SHC2: variants seen among roughly 807,000 people sequenced by gnomAD.
The protein encoded by SHC2 is SHC adaptor protein 2, also known as SHC-transforming protein 2.
A neutral mutation model predicts 60.6 loss-of-function variants in SHC2; 62 were observed. The observed-to-expected ratio is 1.02, with a 90% CI of 0.83 to 1.26. The LOEUF is 1.26. SHC2 is among the 50% of genes most tolerant of loss of function. The pLI is 0.00. For synonymous variants in SHC2, 375 were observed against 372.4 expected, an observed-to-expected ratio of 1.01 and a Z score of -0.08; for missense variants, 873 against 822.2, an observed-to-expected ratio of 1.06 and a Z score of -0.76.
chr19:418,334 C>T (rs921685850), intron 12 of SHC2, among the ~76,000 whole-genome samples: 9 of 152,238 alleles, frequency 5.9e-5, no homozygotes, highest in South Asian at 2.1e-4. Flanking sequence ...CACAGCCGAC[C>T]GCAGTGTCAC....
intron 1 of SHC2, among the ~76,000 whole-genome samples, chr19:454,938 C>T (rs937189053): frequency 1.2e-4 from 18 of 152,248 alleles, no homozygotes; most frequent in African/African-American, 4.1e-4. Flanking sequence ...GGCCCGTGGC[C>T]GCATCGCTCG....
rs1037127731 is a variant in SHC2, at chr19:438,722, C to T, written c.716G>A (p.Arg239His). ...AGGCGAAGAGGGCAGACCCACCTGG[C>T]GCGTGGCAGGCACGGAGAGGCTGAG... ...DGLSLSVPAT[R>H]QVIANHHMPS... Residue 239 changes from arginine (R) to histidine (H), a missense_variant, in exon 4 of 13, where the codon CGC becomes CAC. By Grantham distance (29) the Arg-to-His change is conservative (BLOSUM62 0). Transcript: ENST00000264554. This position sits in a 1 kb window ranked among gnomAD's most constrained non-coding sequence, Gnocchi z 5.0. The T allele has an allele frequency of 3.4e-5, 53 of 1,556,876 alleles. No homozygotes were observed. Among genetic ancestry groups the T allele is most frequent in the Middle Eastern group, 3.5e-4 (2 of 5,682 alleles).
In SHC2 at chr19:455,454, G is replaced by A. The variant is rs1039945820; in HGVS notation, c.468+5075C>T. On this transcript the variant is annotated intron_variant, in intron 1 of 12. Coordinates refer to ENST00000264554, the MANE Select transcript of SHC2 (RefSeq NM_012435.3). ...CGCAGGACTCGGCGTGAGCCTCGGC[G>A]CCGGAGGTACTGCATTTGCACCGAT... 5.3e-5 allele frequency among the ~76,000 whole-genome samples: 8 copies of A among 152,340 alleles called. No individual in the cohort carries two copies. In the South Asian group the frequency reaches 8.3e-4, roughly 16 times the overall value.
chr19:439,075 C>A, intron 2 of SHC2, 45 bp from the exon 3 acceptor site: 1 of 1,087,590 alleles, frequency 9.2e-7, no homozygotes, highest in Non-Finnish European at 1.2e-6. Context: ...TGGGGGTGGC[C>A]ATGGAGGGAG....
intron 11 of SHC2, among the ~76,000 whole-genome samples, chr19:421,635 G>A (rs1185322953): frequency 1.3e-5 from 2 of 152,052 alleles, no homozygotes; most frequent in Non-Finnish European, 2.9e-5. Flanking sequence ...GGGGGGGAGA[G>A]CATCTTATGA....
chr19:444,645 G>A (rs1388394571), intron 1 of SHC2, among the ~76,000 whole-genome samples: 1 of 152,214 alleles, frequency 6.6e-6, no homozygotes, highest in Non-Finnish European at 1.5e-5. Flanking sequence ...GGATCAGCCA[G>A]GTAAACACAC....
chr19:420,291 T>C (rs917806117), intron 11 of SHC2, among the ~76,000 whole-genome samples: 1 of 152,152 alleles, frequency 6.6e-6, no homozygotes, highest in African/African-American at 2.4e-5. Flanking sequence ...CCTCCAGCTC[T>C]GTCCCAGGCC....
Position 438,737 on chromosome 19 carries a change from G to A in SHC2, c.701C>T (p.Ser234Phe). Reference protein sequence around the residue: ...IHISTDGLSLSVPATRQVIAN... With the variant: ...IHISTDGLSLFVPATRQVIAN... ...ACCCACCTGGCGCGTGGCAGGCACG[G>A]AGAGGCTGAGGCCATCAGTGGAGAT... is the stretch of plus-strand genomic sequence containing the variant. The change falls in exon 4 of 13, where the codon TCC becomes TTC. Residue 234 changes from serine to phenylalanine, a missense_variant. Transcript: ENST00000264554. The surrounding 1 kb of genome is among the most constrained non-coding windows in gnomAD (Gnocchi z 5.0). The A allele has an allele frequency of 6.4e-7, 1 of 1,565,098 alleles. No individual in the cohort carries two copies. The highest frequency in any genetic ancestry group is 1.2e-5 in the South Asian group (1 of 84,754).
intron 6 of SHC2, 33 bp from the exon 7 acceptor site, chr19:436,324 C>T (rs1347636439): frequency 3.1e-6 from 5 of 1,589,070 alleles, no homozygotes; most frequent in Non-Finnish European, 4.3e-6. Context: ...GCCTCCGAGC[C>T]ACACGGCCGT....
At chr19:459,006 C>T (rs1278887455) in intron 1 of SHC2, among the ~76,000 whole-genome samples, 1 of 152,112 alleles carries the variant, frequency 6.6e-6, no homozygotes, top group Non-Finnish European at 1.5e-5. Context: ...TGCCTGTCTC[C>T]TAACGGCCCG....
At position 446,373 on chromosome 19, in the gene SHC2, C is replaced by T. The variant is rs71335249; in HGVS notation, c.469-5441G>A. Reference sequence around the variant, plus strand: ...GTCGCCAGGCTGGAGTGCGGTGGTGCGATCACGACTCACTGCAACTTCCGC... The same window carrying T: ...GTCGCCAGGCTGGAGTGCGGTGGTGTGATCACGACTCACTGCAACTTCCGC... On this transcript the variant is annotated intron_variant, in intron 1 of 12. Transcript: ENST00000264554. The surrounding 1 kb of genome is among the most constrained non-coding windows in gnomAD (Gnocchi z 5.4). 2.0e-5 allele frequency among the ~76,000 whole-genome samples: 3 copies of T among 152,090 alleles called. No individual in the cohort carries two copies. The highest frequency in any genetic ancestry group is 1.9e-4 in the East Asian group (1 of 5,184).
chr19:455,172 T>C (rs1975308221), intron 1 of SHC2, among the ~76,000 whole-genome samples: 1 of 152,214 alleles, frequency 6.6e-6, no homozygotes, highest in Admixed American at 6.5e-5. Context: ...GTCACTGAGC[T>C]GCTGAATTAA....
intron 1 of SHC2, among the ~76,000 whole-genome samples, chr19:442,771 A>G (rs1296981352): frequency 2.2e-4 from 13 of 59,456 alleles, no homozygotes; most frequent in Non-Finnish European, 3.1e-4. Context: ...GGATGGGTGG[A>G]TGGATGGATG....
intron 1 of SHC2, among the ~76,000 whole-genome samples, chr19:449,109 C>G (rs62102129): frequency 6.6e-6 from 1 of 151,826 alleles, no homozygotes; most frequent in Non-Finnish European, 1.5e-5. Context: ...TGGAGGTTGC[C>G]GTGAGCCGAG....
Position 422,762 on chromosome 19 carries a change from T to C in SHC2, c.1310-306A>G, listed in dbSNP as rs966847561. On this transcript the variant is annotated intron_variant, in intron 10 of 12. Transcript: ENST00000264554. The surrounding 1 kb of genome is among the most constrained non-coding windows in gnomAD (Gnocchi z 5.0). ...TATTTCTTTTTCCTGCCTTGTCAGG[T>C]GGGCTTCCTTCCCAAAGCGTACGCC... 6.9e-6 allele frequency: 2 copies of C among 290,400 alleles called. No homozygotes were observed. The highest frequency in any genetic ancestry group is 4.4e-5 in the African/African-American group (2 of 45,926). 18.0% of individuals were successfully genotyped at this position (290,400 alleles called of 1,614,324 possible). A position where few individuals can be genotyped will look rare whatever the true frequency, so the allele number is the denominator to read the frequency against.
rs553119736 is a variant in SHC2 at position 440,773 on chromosome 19, C to T, written c.539+89G>A. 1,088 of 1,161,906 alleles carry T rather than the reference C, an allele frequency of 9.4e-4. 1 individual carries two copies. The highest frequency in any genetic ancestry group is 1.3e-3 in the Non-Finnish European group (1,005 of 777,208). 72.0% of individuals were successfully genotyped at this position (1,161,906 alleles called of 1,614,324 possible). A position where few individuals can be genotyped will look rare whatever the true frequency, so the allele number is the denominator to read the frequency against. ...CGTCCTGGGACCCCAGCGCGGCTGT[C>T]GGAGAGCCCATCGCTGCCGCCCTCC... On this transcript the variant is annotated intron_variant, in intron 2 of 12. Transcript: ENST00000264554. The surrounding 1 kb of genome is among the most constrained non-coding windows in gnomAD (Gnocchi z 7.0).
intron 2 of SHC2, chr19:439,359 A>G: frequency 2.5e-6 from 1 of 404,728 alleles, no homozygotes; most frequent in Non-Finnish European, 4.5e-6. Context: ...CCCAGGGACC[A>G]GTGTGTCCCT....
In SHC2 at chr19:436,933, G is replaced by A. The variant is rs574895800; in HGVS notation, c.721-250C>T. ...GTGTGGGGTCCGCAGGAGGTCACAC[G>A]GGAATGTGTGTGAGAGGACAAACCT... On this transcript the variant is annotated intron_variant, in intron 4 of 12. Transcript: ENST00000264554. Among the ~76,000 whole-genome samples, 17 of 152,202 alleles carry A rather than the reference G, an allele frequency of 1.1e-4. No homozygotes were observed. The South Asian group carries it at 2.9e-3, about 26-fold the overall frequency.
intron 1 of SHC2, among the ~76,000 whole-genome samples, chr19:452,161 C>T (rs896607987): frequency 2.1e-4 from 32 of 151,988 alleles, no homozygotes; most frequent in Non-Finnish European, 4.0e-4. Flanking sequence ...GTTGGGGCAT[C>T]GTACTGACTT....
Sources: gnomAD v4.1 joint callset for allele counts (sites outside exome capture counted in the v4.1 genomes callset) on GRCh38, gnomAD v4.1.1 for gene constraint, Gnocchi (gnomAD v3.1) non-coding constraint, MANE v1.5 for transcripts, NCBI Gene and HGNC (gene_info 2026-07-23, HGNC 2026-07-21) for gene names.